The following MACROD2 variants were observed in gnomAD, a reference collection of about 807,000 sequenced individuals.
The protein encoded by MACROD2 is mono-ADP ribosylhydrolase 2.
Under a neutral mutation model 70.4 loss-of-function variants are expected in MACROD2, and 36 were observed. That is an observed-to-expected ratio of 0.51 (90% CI 0.39 to 0.68). The LOEUF (loss-of-function observed/expected upper bound fraction) is 0.68, where lower values mean the gene tolerates loss of function less well. Ranked by LOEUF, MACROD2 falls within the 30% of genes least tolerant of loss-of-function variation. The pLI is 0.00. For missense variants in MACROD2, 496 were observed against 538.4 expected (o/e 0.92, Z 0.78); for synonymous variants, 172 against 178.8 (o/e 0.96, Z 0.30).
rs572874295 is a variant in MACROD2, at chr20:15,239,928, G to A, written c.540+9867G>A. ...TTTGAACAAGGGAGCATGGCAGATG[G>A]TGAGTGCCTGGGGCCCACTACACAC... is the stretch of plus-strand genomic sequence containing the variant. On this transcript the variant is annotated intron_variant, in intron 6 of 17. Transcript: ENST00000684519. 4.6e-5 allele frequency among the ~76,000 whole-genome samples: 7 copies of A among 152,288 alleles called. No individual in the cohort carries two copies. In the East Asian group the frequency reaches 7.7e-4, roughly 17 times the overall value.
chr20:15,297,246 C>G (rs1035448046), intron 6 of MACROD2, among the ~76,000 whole-genome samples: 1 of 152,104 alleles, frequency 6.6e-6, no homozygotes, highest in Non-Finnish European at 1.5e-5. Flanking sequence ...ATACACTCAC[C>G]CAAATAAGTG....
chr20:14,345,954 C>T (rs1351767345), intron 3 of MACROD2, among the ~76,000 whole-genome samples: 9 of 151,342 alleles, frequency 5.9e-5, no homozygotes, highest in Non-Finnish European at 3.0e-5. Context: ...GTTAGCTGGG[C>T]GTGGTGGTGG....
At chr20:14,485,607 A>G (rs560876442) in intron 3 of MACROD2, among the ~76,000 whole-genome samples, 3 of 149,536 alleles carry the variant, frequency 2.0e-5, no homozygotes, top group South Asian at 4.3e-4. Context: ...AGGCTGAGGC[A>G]GGAGAATGAC....
intron 5 of MACROD2, among the ~76,000 whole-genome samples, chr20:14,890,749 C>T (rs1396218795): frequency 7.9e-6 from 1 of 126,416 alleles, no homozygotes. Flanking sequence ...AAGGCCCTGT[C>T]CAAAAACAGA....
chr20:15,876,091 T>TTTTATATATATATATATATA (rs1555789633), intron 9 of MACROD2, among the ~76,000 whole-genome samples: 1 of 33,108 alleles, frequency 3.0e-5, no homozygotes, highest in African/African-American at 7.5e-5. Context: ...TACATGTCTT[T>TTTTATATATATATATATATA]TATATATATA....
At chr20:15,578,921 G>C (rs898178003) in intron 8 of MACROD2, among the ~76,000 whole-genome samples, 3 of 152,184 alleles carry the variant, frequency 2.0e-5, no homozygotes, top group Non-Finnish European at 2.9e-5. Flanking sequence ...TAAACAGATA[G>C]ATATAGCGAT....
At chr20:15,325,782 C>T (rs1368699171) in intron 6 of MACROD2, among the ~76,000 whole-genome samples, 1 of 152,114 alleles carries the variant, frequency 6.6e-6, no homozygotes, top group East Asian at 1.9e-4. Context: ...GTGGCCTTCC[C>T]AAAGTTTTGG....
chr20:15,680,291 A>C (rs1479116505), intron 8 of MACROD2, among the ~76,000 whole-genome samples: 3 of 152,186 alleles, frequency 2.0e-5, no homozygotes, highest in Admixed American at 2.0e-4. Flanking sequence ...AACAGAAATA[A>C]AGTATCAAGT....
chr20:14,969,161 T>TTA (rs150798380), intron 5 of MACROD2, among the ~76,000 whole-genome samples: 6,938 of 147,646 alleles, frequency 0.047, 308 homozygotes, highest in African/African-American at 0.11. Context: ...TATCTCCAGT[T>TTA]TATATATATA....
intron 4 of MACROD2, among the ~76,000 whole-genome samples, chr20:14,637,790 G>A (rs1458437317): frequency 1.3e-5 from 2 of 152,046 alleles, no homozygotes; most frequent in Non-Finnish European, 2.9e-5. Flanking sequence ...CTCTTCGATG[G>A]AAGAAAAATT....
intron 5 of MACROD2, among the ~76,000 whole-genome samples, chr20:15,088,400 TATATATATATATA>T (rs2075765530): frequency 0.022 from 165 of 7,392 alleles, 2 homozygotes; most frequent in African/African-American, 0.06. Flanking sequence ...CTATATTTTA[TATATATATATATA>T]TATATATATA....
At chr20:14,162,546 G>C (rs2148718554) in intron 3 of MACROD2, among the ~76,000 whole-genome samples, 2 of 152,220 alleles carry the variant, frequency 1.3e-5, no homozygotes, top group Middle Eastern at 6.8e-3. Flanking sequence ...GGGTGCTCCA[G>C]TGTTGGGTGG....
chr20:14,739,233 T>C (rs2071704501), intron 5 of MACROD2, among the ~76,000 whole-genome samples: 1 of 152,022 alleles, frequency 6.6e-6, no homozygotes, highest in African/African-American at 2.4e-5. Flanking sequence ...ATGATACAAA[T>C]ATGCAACCAT....
At chr20:15,699,458 C>T (rs766863263) in intron 8 of MACROD2, among the ~76,000 whole-genome samples, 2 of 152,196 alleles carry the variant, frequency 1.3e-5, no homozygotes, top group Non-Finnish European at 2.9e-5. Flanking sequence ...CGGATACCAG[C>T]ACCTGTTCTG....
At chr20:15,550,976 T>C (rs2048087755) in intron 8 of MACROD2, among the ~76,000 whole-genome samples, 1 of 152,180 alleles carries the variant, frequency 6.6e-6, no homozygotes, top group Admixed American at 6.5e-5. Context: ...AGCTGTTTTA[T>C]CCAGCGTGCC....
At chr20:14,719,706 A>T (rs2071441755) in intron 5 of MACROD2, among the ~76,000 whole-genome samples, 1 of 152,178 alleles carries the variant, frequency 6.6e-6, no homozygotes, top group Non-Finnish European at 1.5e-5. Flanking sequence ...GAAATGTTGT[A>T]TGTCTAAGAA....
chr20:15,435,827 G>A (rs2046420818), intron 7 of MACROD2, among the ~76,000 whole-genome samples: 3 of 152,070 alleles, frequency 2.0e-5, no homozygotes, highest in Admixed American at 2.0e-4. Flanking sequence ...CGAATGGGAG[G>A]GAAATAGTGA....
chr20:14,980,399 G>T (rs527284804), intron 5 of MACROD2, among the ~76,000 whole-genome samples: 1 of 152,040 alleles, frequency 6.6e-6, no homozygotes, highest in African/African-American at 2.4e-5. Flanking sequence ...CCAGCAAGAC[G>T]GCCCTCACCA....
intron 8 of MACROD2, among the ~76,000 whole-genome samples, chr20:15,770,097 T>TC (rs2051599266): frequency 1.0e-5 from 1 of 97,822 alleles, no homozygotes; most frequent in African/African-American, 3.5e-5. Flanking sequence ...TTCTTTTTTT[T>TC]TTTTTTTTTT....
Sources: allele counts gnomAD v4.1 joint callset (sites outside exome capture counted in the v4.1 genomes callset), GRCh38; gene constraint gnomAD v4.1.1; transcripts MANE v1.5; gene names NCBI Gene and HGNC (gene_info 2026-07-23, HGNC 2026-07-21).